The following CCDC7 variants were observed in gnomAD, a reference collection of about 807,000 sequenced individuals.
CCDC7 encodes coiled-coil domain-containing protein 7.
CCDC7 carries 183 observed loss-of-function variants against 196.9 expected under a neutral mutation model. That is an observed-to-expected ratio of 0.93 (90% CI 0.82 to 1.05). CCDC7 has a LOEUF of 1.05. Among genes scored for constraint, CCDC7 ranks in the 50% least tolerant of loss-of-function variants. The probability of loss-of-function intolerance (pLI) is 0.00; values close to 1 mark genes in which losing one functional copy is unlikely to be tolerated. For synonymous variants in CCDC7, 525 were observed against 484.6 expected (o/e 1.08, Z -1.10); for missense variants, 1,540 against 1,482.2 (o/e 1.04, Z -0.64).
chr10:32,560,799 A>G (rs2055408992), intron 13 of CCDC7, among the ~76,000 whole-genome samples: 1 of 152,302 alleles, frequency 6.6e-6, no homozygotes, highest in African/African-American at 2.4e-5. Context: ...TCATAATGAC[A>G]GGATCAAATT....
intron 10 of CCDC7, 48 bp downstream of exon 11, chr10:32,518,023 T>C: frequency 2.0e-6 from 3 of 1,524,782 alleles, no homozygotes; most frequent in Non-Finnish European, 2.6e-6. Context: ...CCTTGAGTTC[T>C]TAACAGATTC....
At chr10:32,757,813 AG>A (rs746411992) in intron 28 of CCDC7, among the ~76,000 whole-genome samples, 145 of 152,374 alleles carry the variant, frequency 9.5e-4, no homozygotes, top group Non-Finnish European at 1.6e-3. Context: ...TGAATCCAGG[AG>A]CTGTTTTATT....
intron 41 of CCDC7, among the ~76,000 whole-genome samples, chr10:32,876,016 G>C (rs2094586657): frequency 6.6e-6 from 1 of 151,980 alleles, no homozygotes; most frequent in South Asian, 2.1e-4. Context: ...GAACTTCTAA[G>C]AAATGCAGTT....
chr10:32,511,264 G>GC (rs768548361), intron 9 of CCDC7: 8 of 543,918 alleles, frequency 1.5e-5, no homozygotes, highest in Admixed American at 6.5e-5. Context: ...TGGGGGGCGG[G>GC]GGGGGCGGGG....
chr10:32,529,839 C>G (rs560548747), intron 11 of CCDC7, among the ~76,000 whole-genome samples: 133 of 152,292 alleles, frequency 8.7e-4, no homozygotes, highest in African/African-American at 3.2e-3. Context: ...GTTATGAAGT[C>G]TTTGCCTAAG....
chr10:32,638,226 T>A (rs1261324607), intron 20 of CCDC7, among the ~76,000 whole-genome samples: 1 of 152,190 alleles, frequency 6.6e-6, no homozygotes, highest in African/African-American at 2.4e-5. Flanking sequence ...CTTTATATCC[T>A]TCTCCTGCCT....
chr10:32,785,064 A>G lies in CCDC7; in HGVS notation c.3013+5980A>G, dbSNP rs532741492. On this transcript the variant is annotated intron_variant, in intron 29 of 41. Coordinates refer to ENST00000639629, the Ensembl canonical transcript of CCDC7. Reference sequence around the variant, plus strand: ...ATGTATGAAGAACTGTGCAGAATTTATGGATCTACAAAAATTGAACATCTC... The same window carrying G: ...ATGTATGAAGAACTGTGCAGAATTTGTGGATCTACAAAAATTGAACATCTC... Among the ~76,000 whole-genome samples the G allele has an allele frequency of 1.6e-4, 24 of 152,326 alleles. No homozygotes were observed. In the South Asian group the frequency reaches 5.0e-3, roughly 32 times the overall value.
intron 11 of CCDC7, among the ~76,000 whole-genome samples, chr10:32,539,588 T>G (rs1351674160): frequency 6.6e-6 from 1 of 152,176 alleles, no homozygotes; most frequent in East Asian, 1.9e-4. Flanking sequence ...CTCTTCTTCT[T>G]CTAGTTGTGA....
At chr10:32,785,341 T>A (rs1488674523) in intron 29 of CCDC7, among the ~76,000 whole-genome samples, 2 of 152,320 alleles carry the variant, frequency 1.3e-5, no homozygotes, top group East Asian at 3.9e-4. Flanking sequence ...ATAAAAATTC[T>A]TCTGCACAAT....
At chr10:32,850,369 A>G (rs1321835882) in intron 39 of CCDC7, among the ~76,000 whole-genome samples, 1 of 152,104 alleles carries the variant, frequency 6.6e-6, no homozygotes, top group Non-Finnish European at 1.5e-5. Flanking sequence ...CATCCAGCCA[A>G]CTAGCTAGGA....
chr10:32,770,841 A>G (rs1243313899), intron 28 of CCDC7, among the ~76,000 whole-genome samples: 2 of 151,934 alleles, frequency 1.3e-5, no homozygotes, highest in Admixed American at 1.3e-4. Flanking sequence ...ACTGACCATC[A>G]TTGTCTTTTT....
At chr10:32,566,929 A>G (rs13377150) in intron 14 of CCDC7, among the ~76,000 whole-genome samples, 16,253 of 145,678 alleles carry the variant, frequency 0.11, 1,109 homozygotes, top group South Asian at 0.27. Context: ...TATATATATT[A>G]TAATATGTAT....
intron 15 of CCDC7, among the ~76,000 whole-genome samples, chr10:32,569,312 A>G (rs1013636688): frequency 1.1e-4 from 17 of 152,240 alleles, no homozygotes; most frequent in Non-Finnish European, 1.8e-4. Flanking sequence ...CCATGTTCTT[A>G]TAGTAATTTA....
At chr10:32,798,460 C>A (rs543212416) in intron 29 of CCDC7, among the ~76,000 whole-genome samples, 1 of 152,174 alleles carries the variant, frequency 6.6e-6, no homozygotes, top group Non-Finnish European at 1.5e-5. Flanking sequence ...GTCCACAGAA[C>A]GGGTCATCCT....
chr10:32,732,583 A>G (rs1052815840), intron 28 of CCDC7, among the ~76,000 whole-genome samples: 3 of 152,016 alleles, frequency 2.0e-5, no homozygotes, highest in Admixed American at 1.3e-4. Context: ...CTATGTTTCT[A>G]AAGCTTTTTT....
intron 28 of CCDC7, among the ~76,000 whole-genome samples, chr10:32,743,275 T>C (rs1210548517): frequency 6.6e-6 from 1 of 152,190 alleles, no homozygotes; most frequent in African/African-American, 2.4e-5. Flanking sequence ...TGTAAATTTG[T>C]TTGAGTTATT....
At chr10:32,771,874 G>A (rs1298556200) in intron 28 of CCDC7, among the ~76,000 whole-genome samples, 1 of 152,222 alleles carries the variant, frequency 6.6e-6, no homozygotes, top group Non-Finnish European at 1.5e-5. Context: ...CTTGGGTGCA[G>A]TGCTATTCTG....
chr10:32,772,389 GTC>G (rs2079309005), intron 28 of CCDC7, among the ~76,000 whole-genome samples: 1 of 152,216 alleles, frequency 6.6e-6, no homozygotes, highest in African/African-American at 2.4e-5. Flanking sequence ...GCTACTGGGA[GTC>G]ATAAACTTTC....
chr10:32,857,490 C>T (rs2093798059), intron 41 of CCDC7, among the ~76,000 whole-genome samples: 1 of 152,024 alleles, frequency 6.6e-6, no homozygotes, highest in South Asian at 2.1e-4. Flanking sequence ...TGAAAATGTA[C>T]AAATATGTAG....
Sources: allele counts gnomAD v4.1 joint callset (sites outside exome capture counted in the v4.1 genomes callset), GRCh38; gene constraint gnomAD v4.1.1; transcripts MANE v1.5; gene names NCBI Gene and HGNC (gene_info 2026-07-23, HGNC 2026-07-21).